Variants in KDM2B observed in about 807,000 individuals in gnomAD.
KDM2B encodes lysine-specific demethylase 2B.
A neutral mutation model predicts 150.0 loss-of-function variants in KDM2B; 26 were observed. The observed-to-expected ratio is 0.17, with a 90% CI of 0.13 to 0.24. The LOEUF (loss-of-function observed/expected upper bound fraction) is 0.24. Ranked by LOEUF, KDM2B falls within the 10% of genes least tolerant of loss-of-function variation. The pLI is 1.00. For missense variants in KDM2B, 1,265 were observed against 1,816.9 expected, an observed-to-expected ratio of 0.70 and a Z score of 5.52; for synonymous variants, 734 against 729.5, an observed-to-expected ratio of 1.01 and a Z score of -0.10.
downstream of KDM2B, among the ~76,000 whole-genome samples, chr12:121,424,726 GAAAA>G (rs1425637830): frequency 7.0e-6 from 1 of 142,392 alleles, no homozygotes; most frequent in Non-Finnish European, 1.5e-5. Flanking sequence ...AAAAAAAAAA[GAAAA>G]AAAAGAAAAA....
chr12:121,508,386 C>T (rs781929108), intron 11 of KDM2B, among the ~76,000 whole-genome samples: 28 of 152,136 alleles, frequency 1.8e-4, no homozygotes, highest in Non-Finnish European at 3.1e-4. Flanking sequence ...GTGCCTGGCC[C>T]GCACCCAGTG....
chr12:121,419,178 G>C, the KDM2B span, among the ~76,000 whole-genome samples: 1 of 152,126 alleles, frequency 6.6e-6, no homozygotes, highest in Non-Finnish European at 1.5e-5. Context: ...TTTGTGTTTA[G>C]ATATGTTTAG....
At chr12:121,552,520 A>G (rs1288843761) in intron 4 of KDM2B, among the ~76,000 whole-genome samples, 1 of 152,038 alleles carries the variant, frequency 6.6e-6, no homozygotes, top group African/African-American at 2.4e-5. Flanking sequence ...TAAAAATACA[A>G]AAATTAGCCA....
intron 22 of KDM2B, among the ~76,000 whole-genome samples, chr12:121,433,881 A>C (rs1454704965): frequency 6.6e-6 from 1 of 152,136 alleles, no homozygotes; most frequent in Non-Finnish European, 1.5e-5. Flanking sequence ...CTGTCTCCAA[A>C]TAAAATAAAA....
In KDM2B at chr12:121,518,392, A is replaced by C. The variant is rs1204038240; in HGVS notation, c.1047+2593T>G. ...AGCCAAGTCCCTCTCTCAAGACCAGAAATCAAGGCAGATTAAACAACCTGC... is the reference window on the plus strand; with the variant it reads ...AGCCAAGTCCCTCTCTCAAGACCAGCAATCAAGGCAGATTAAACAACCTGC... On this transcript the variant is annotated intron_variant, in intron 9 of 22. Coordinates refer to ENST00000377071, the MANE Select transcript of KDM2B (RefSeq NM_032590.5). The surrounding 1 kb of genome is among the most constrained non-coding windows in gnomAD (Gnocchi z 4.4). Among the ~76,000 whole-genome samples the C allele has an allele frequency of 1.4e-5, 2 of 147,912 alleles. No homozygotes were observed. Among genetic ancestry groups the C allele is most frequent in the Non-Finnish European group, 2.9e-5 (2 of 68,018 alleles).
intron 12 of KDM2B, among the ~76,000 whole-genome samples, chr12:121,480,966 C>T (rs1882060450): frequency 1.4e-5 from 2 of 143,816 alleles, no homozygotes; most frequent in African/African-American, 2.7e-5. Flanking sequence ...CTCGCTCTGT[C>T]GCCCAGACCA....
chr12:121,551,344 CTTT>C (rs1176650753), intron 4 of KDM2B, among the ~76,000 whole-genome samples: 13 of 130,880 alleles, frequency 9.9e-5, no homozygotes, highest in Admixed American at 1.6e-4. Context: ...AGATTCCATT[CTTT>C]TTTTTTTTTT....
At chr12:121,581,228 T>C (rs782244468), upstream of KDM2B, 2 of 276,806 alleles carry the variant, frequency 7.2e-6, no homozygotes, top group Non-Finnish European at 1.4e-5. Context: ...GAATTGGATC[T>C]GGCGCCTCCT....
At chr12:121,448,404 C>T (rs1876671125) in intron 13 of KDM2B, among the ~76,000 whole-genome samples, 1 of 143,126 alleles carries the variant, frequency 7.0e-6, no homozygotes. Flanking sequence ...GTTTAAATTT[C>T]TAATACGGTC....
At chr12:121,412,402 G>A in the KDM2B span, among the ~76,000 whole-genome samples, 8 of 151,310 alleles carry the variant, frequency 5.3e-5, no homozygotes, top group South Asian at 2.1e-4. Flanking sequence ...ACCACGCCAG[G>A]CTAATTTTGT....
chr12:121,499,029 T>G lies in KDM2B; in HGVS notation c.1648-4364A>C, dbSNP rs1032896904. On this transcript the variant is annotated intron_variant, in intron 11 of 22. Transcript: ENST00000377071. ...TCTTGCTATGTTGCCCAGGTTGGTC[T>G]CAAATTCCTACGGTCAACTGATCCT... 1.8e-4 allele frequency among the ~76,000 whole-genome samples: 27 copies of G among 151,966 alleles called. 1 individual carries two copies. The highest frequency in any genetic ancestry group is 8.5e-4 in the Admixed American group (13 of 15,226).
At chr12:121,510,591 G>C (rs1885500785) in intron 10 of KDM2B, among the ~76,000 whole-genome samples, 1 of 152,082 alleles carries the variant, frequency 6.6e-6, no homozygotes, top group African/African-American at 2.4e-5. Flanking sequence ...CCAGGAGTTT[G>C]AGACCAGACT....
intron 14 of KDM2B, 55 bp from the exon 15 acceptor site, chr12:121,444,591 G>A (rs530642972): frequency 1.4e-6 from 2 of 1,458,322 alleles, no homozygotes; most frequent in East Asian, 2.3e-5. Flanking sequence ...TGGCCCACGG[G>A]CACAAGGCTC....
intron 12 of KDM2B, 116 bp downstream of exon 12, chr12:121,494,463 C>T (rs889261625): frequency 3.4e-5 from 23 of 669,654 alleles, no homozygotes; most frequent in East Asian, 3.2e-4. Flanking sequence ...ATCTTAACTG[C>T]GGTGCCTTCA....
chr12:121,578,784 G>C lies in KDM2B; in HGVS notation c.271+18C>G, dbSNP rs368009852. The C allele has an allele frequency of 8.0e-6, 12 of 1,504,654 alleles. No homozygotes were observed. Among genetic ancestry groups the C allele is most frequent in the Non-Finnish European group, 1.1e-5 (12 of 1,118,534 alleles). 93.2% of individuals were successfully genotyped at this position (1,504,654 alleles called of 1,614,324 possible). On this transcript the variant is annotated intron_variant, in intron 2 of 22. Coordinates refer to ENST00000377071, the MANE Select transcript of KDM2B (RefSeq NM_032590.5). ...CGGCCCGCAGCGCAGAGGGCGGCCC[G>C]GGGTGGGGGCGCCTCACCTTTGCCC...
chr12:121,580,925 T>C lies in KDM2B; in HGVS notation c.-14A>G, dbSNP rs73407679. The stretch of plus-strand genomic sequence containing the variant: ...CGGACCCGCCATGTGGAGGAGGCAT[T>C]TGGGGGGCTCAGAAGGAAATTAGCT... On this transcript the variant is annotated 5_prime_UTR_variant, in exon 1 of 23. Transcript: ENST00000377071. 1.7e-3 allele frequency: 2,810 copies of C among 1,612,616 alleles called. 53 individuals carry two copies. In the African/African-American group the frequency reaches 0.033, roughly 19 times the overall value.
chr12:121,572,278 C>A (rs1431062258), intron 4 of KDM2B, among the ~76,000 whole-genome samples: 1 of 152,152 alleles, frequency 6.6e-6, no homozygotes, highest in African/African-American at 2.4e-5. Context: ...ACTCCCTTCA[C>A]CCCACTTTAA....
chr12:121,546,974 G>A (rs1260300208), intron 6 of KDM2B, among the ~76,000 whole-genome samples: 2 of 152,056 alleles, frequency 1.3e-5, no homozygotes, highest in Admixed American at 6.6e-5. Flanking sequence ...TGGGATTACA[G>A]GTGTGACCCA....
At chr12:121,535,225 C>A (rs1458863015) in intron 6 of KDM2B, among the ~76,000 whole-genome samples, 1 of 151,108 alleles carries the variant, frequency 6.6e-6, no homozygotes, top group South Asian at 2.1e-4. Flanking sequence ...AAAAAAAAAC[C>A]CACACACACA....
Sources: gnomAD v4.1 joint callset for allele counts (sites outside exome capture counted in the v4.1 genomes callset) on GRCh38, gnomAD v4.1.1 for gene constraint, Gnocchi (gnomAD v3.1) non-coding constraint, MANE v1.5 for transcripts, NCBI Gene and HGNC (gene_info 2026-07-23, HGNC 2026-07-21) for gene names.